Variants in NTNG1 observed in about 807,000 individuals in gnomAD.
NTNG1 encodes the protein netrin G1, also known as netrin-G1.
A neutral mutation model predicts 54.0 loss-of-function variants in NTNG1; 16 were observed. That is an observed-to-expected ratio of 0.30 (90% CI 0.20 to 0.45). The LOEUF (loss-of-function observed/expected upper bound fraction) is 0.45. NTNG1 is among the 20% of genes least tolerant of loss of function. The pLI is 1.00. For missense variants in NTNG1, 530 were observed against 678.7 expected (o/e 0.78, Z 2.43); for synonymous variants, 255 against 263.1 (o/e 0.97, Z 0.30).
intron 2 of NTNG1, among the ~76,000 whole-genome samples, chr1:107,154,483 C>T (rs1055758039): frequency 1.3e-5 from 2 of 150,358 alleles, no homozygotes; most frequent in Non-Finnish European, 3.0e-5. Context: ...GTAGTCCCAG[C>T]TACTTGGGAG....
chr1:107,218,865 T>C (rs1660146601), intron 2 of NTNG1, among the ~76,000 whole-genome samples: 1 of 152,174 alleles, frequency 6.6e-6, no homozygotes, highest in Non-Finnish European at 1.5e-5. Flanking sequence ...TTAGATAACC[T>C]GATGACTATG....
chr1:107,186,460 T>C (rs1340857668), intron 2 of NTNG1, among the ~76,000 whole-genome samples: 1 of 152,200 alleles, frequency 6.6e-6, no homozygotes, highest in East Asian at 1.9e-4. Flanking sequence ...AATCCAGATG[T>C]GTCTCAGAGG....
chr1:107,367,065 CGT>C (rs57282130), intron 3 of NTNG1, among the ~76,000 whole-genome samples: 28,850 of 148,074 alleles, frequency 0.19, 3,322 homozygotes, highest in African/African-American at 0.33. Context: ...TTTATCTGTT[CGT>C]GTGTGTGTGT....
intron 2 of NTNG1, among the ~76,000 whole-genome samples, chr1:107,217,733 T>C (rs1395831036): frequency 6.6e-6 from 1 of 152,206 alleles, no homozygotes; most frequent in Non-Finnish European, 1.5e-5. Flanking sequence ...GCGGGTTATT[T>C]AATTTCCATT....
intron 7 of NTNG1, among the ~76,000 whole-genome samples, chr1:107,438,603 G>A (rs1675757384): frequency 6.6e-6 from 1 of 152,104 alleles, no homozygotes; most frequent in Admixed American, 6.6e-5. Context: ...AGGAGACTTT[G>A]TAATTAAGAC....
intron 2 of NTNG1, among the ~76,000 whole-genome samples, chr1:107,192,226 T>C (rs1331893864): frequency 1.3e-5 from 2 of 150,520 alleles, no homozygotes; most frequent in African/African-American, 5.0e-5. Flanking sequence ...TTTGGCTCTC[T>C]GTTTGTCTGT....
chr1:107,319,556 T>C (rs1459842100), intron 2 of NTNG1, among the ~76,000 whole-genome samples: 1 of 152,130 alleles, frequency 6.6e-6, no homozygotes, highest in Non-Finnish European at 1.5e-5. Flanking sequence ...TGCTGCTTCT[T>C]GCCTTTGTGT....
intron 2 of NTNG1, among the ~76,000 whole-genome samples, chr1:107,205,044 G>A (rs1659071494): frequency 6.6e-6 from 1 of 152,116 alleles, no homozygotes; most frequent in Non-Finnish European, 1.5e-5. Context: ...TGAGAACCTG[G>A]AAGTAAAGCA....
chr1:107,401,731 G>A (rs1673055514), intron 4 of NTNG1, among the ~76,000 whole-genome samples: 1 of 151,106 alleles, frequency 6.6e-6, no homozygotes, highest in Non-Finnish European at 1.5e-5. Context: ...TAAAGTTCAG[G>A]GCCTGAAATA....
intron 6 of NTNG1, 113 bp from the exon 7 acceptor site, chr1:107,436,552 A>C (rs1675607692): frequency 1.2e-6 from 1 of 816,372 alleles, no homozygotes; most frequent in Non-Finnish European, 1.8e-6. Flanking sequence ...CATTTCATTA[A>C]TGGACATCTT....
intron 2 of NTNG1, among the ~76,000 whole-genome samples, chr1:107,285,943 A>G (rs1319493143): frequency 6.6e-6 from 1 of 152,148 alleles, no homozygotes; most frequent in African/African-American, 2.4e-5. Context: ...TGGAATTAGC[A>G]ATAGAATTAA....
chr1:107,386,176 T>TTCTTCCTTTGAAATGGGGTTTCACTCTTG (rs1671983454), intron 3 of NTNG1, among the ~76,000 whole-genome samples: 2 of 140,912 alleles, frequency 1.4e-5, no homozygotes, highest in Non-Finnish European at 3.1e-5. Flanking sequence ...TTTTTTTTTT[T>TTCTTCCTTTGAAATGGGGTTTCACTCTTG]TTCTTCCTTT....
intron 4 of NTNG1, among the ~76,000 whole-genome samples, chr1:107,406,133 C>T (rs936426076): frequency 6.6e-6 from 1 of 152,052 alleles, no homozygotes; most frequent in Non-Finnish European, 1.5e-5. Flanking sequence ...TTCATTCTTT[C>T]CAGGGTTTAA....
intron 7 of NTNG1, among the ~76,000 whole-genome samples, chr1:107,467,719 A>G (rs1281847522): frequency 6.6e-6 from 1 of 152,250 alleles, no homozygotes; most frequent in Non-Finnish European, 1.5e-5. Context: ...CATCAACTTC[A>G]TTGAAAAGGT....
At chr1:107,192,307 G>A (rs530563396) in intron 2 of NTNG1, among the ~76,000 whole-genome samples, 189 of 151,958 alleles carry the variant, frequency 1.2e-3, no homozygotes, top group African/African-American at 4.3e-3. Flanking sequence ...CTTCTCCTTC[G>A]TGCTTTCGAC....
At chr1:107,475,882 A>T (rs998701188) in intron 7 of NTNG1, among the ~76,000 whole-genome samples, 7 of 152,176 alleles carry the variant, frequency 4.6e-5, no homozygotes, top group African/African-American at 1.7e-4. Flanking sequence ...CAACCAAAAA[A>T]AATGTCTCCA....
chr1:107,433,907 A>G (rs1289295232), intron 6 of NTNG1, among the ~76,000 whole-genome samples: 3 of 152,132 alleles, frequency 2.0e-5, no homozygotes, highest in Non-Finnish European at 4.4e-5. Context: ...CCTATTTGCT[A>G]TTTTCCACAA....
intron 5 of NTNG1, chr1:107,421,080 C>G (rs751786905): frequency 6.2e-7 from 1 of 1,602,910 alleles, no homozygotes; most frequent in Admixed American, 1.7e-5. Flanking sequence ...TTAAACCTAT[C>G]CAGTTGCTCC....
chr1:107,376,919 G>T (rs1029901169), intron 3 of NTNG1, among the ~76,000 whole-genome samples: 2 of 152,130 alleles, frequency 1.3e-5, no homozygotes, highest in African/African-American at 2.4e-5. Flanking sequence ...CTCAAATGAA[G>T]ATCACTGCCT....
Sources: gnomAD v4.1 joint callset for allele counts (sites outside exome capture counted in the v4.1 genomes callset) on GRCh38, gnomAD v4.1.1 for gene constraint, MANE v1.5 for transcripts, NCBI Gene and HGNC (gene_info 2026-07-23, HGNC 2026-07-21) for gene names.